PARD3B: variants seen among roughly 807,000 people sequenced by gnomAD.
PARD3B encodes partitioning defective 3 homolog B.
Under a neutral mutation model 130.2 loss-of-function variants are expected in PARD3B, and 103 were observed. That is an observed-to-expected ratio of 0.79 (90% CI 0.67 to 0.93). The LOEUF is 0.93. Among genes scored for constraint, PARD3B ranks in the 40% least tolerant of loss-of-function variants. The pLI, the probability that PARD3B is intolerant of heterozygous loss-of-function variation, is 0.00. For synonymous variants in PARD3B, 583 were observed against 553.2 expected (o/e 1.05, Z -0.76); for missense variants, 1,609 against 1,499.2 (o/e 1.07, Z -1.21).
Position 205,300,341 on chromosome 2 carries a change from C to T in PARD3B, c.2186-189C>T, listed in dbSNP as rs1347605192. Among the ~76,000 whole-genome samples the T allele has an allele frequency of 1.3e-5, 2 of 152,108 alleles. No homozygotes were observed. Among genetic ancestry groups the T allele is most frequent in the African/African-American group, 4.8e-5 (2 of 41,422 alleles). On this transcript the variant is annotated intron_variant, in intron 16 of 22. Transcript: ENST00000406610. This position sits in a 1 kb window ranked among gnomAD's most constrained non-coding sequence, Gnocchi z 4.1. The stretch of plus-strand genomic sequence containing the variant: ...TTTATCACAGCTTTAGAAAAGGAAA[C>T]AGAGGCTCAGAGAAGTCAAACCACT...
intron 2 of PARD3B, among the ~76,000 whole-genome samples, chr2:204,723,917 A>T (rs541382557): frequency 4.6e-5 from 7 of 152,060 alleles, no homozygotes; most frequent in African/African-American, 1.7e-4. Flanking sequence ...AGAAATAGTG[A>T]TTTTTTTTCC....
At chr2:204,576,046 TG>T (rs1371383638) in intron 1 of PARD3B, among the ~76,000 whole-genome samples, 1 of 152,200 alleles carries the variant, frequency 6.6e-6, no homozygotes, top group Non-Finnish European at 1.5e-5. Context: ...CTCTTCCTTC[TG>T]GGGACCCACT....
chr2:205,486,593 G>T (rs780807897), intron 20 of PARD3B, among the ~76,000 whole-genome samples: 1 of 152,182 alleles, frequency 6.6e-6, no homozygotes, highest in Non-Finnish European at 1.5e-5. Context: ...ACTTAGAGGG[G>T]AAGGCAAAGG....
intron 2 of PARD3B, among the ~76,000 whole-genome samples, chr2:204,839,135 G>T (rs1471866880): frequency 6.6e-6 from 1 of 152,158 alleles, no homozygotes; most frequent in Non-Finnish European, 1.5e-5. Context: ...ATGTTACAAG[G>T]TCAGCCCTGT....
At chr2:205,418,664 T>TA (rs1438118213) in intron 19 of PARD3B, among the ~76,000 whole-genome samples, 1 of 152,188 alleles carries the variant, frequency 6.6e-6, no homozygotes, top group Non-Finnish European at 1.5e-5. Flanking sequence ...GAAGAGACTT[T>TA]AAAAAATTTA....
At chr2:205,047,776 T>C (rs1698906005) in intron 4 of PARD3B, 86 bp downstream of exon 4, 6 of 863,598 alleles carry the variant, frequency 6.9e-6, no homozygotes, top group East Asian at 2.7e-5. Flanking sequence ...TTTAAACACA[T>C]TGATAACTAG....
At chr2:205,362,580 C>T (rs1367648663) in intron 18 of PARD3B, among the ~76,000 whole-genome samples, 2 of 152,168 alleles carry the variant, frequency 1.3e-5, no homozygotes, top group Non-Finnish European at 2.9e-5. Flanking sequence ...TGTGTAATCT[C>T]CTAGGTAGTC....
chr2:205,450,466 CTTT>C (rs869229400), intron 20 of PARD3B, among the ~76,000 whole-genome samples: 2 of 78,378 alleles, frequency 2.6e-5, no homozygotes, highest in African/African-American at 5.5e-5. Flanking sequence ...AGTGCAGATT[CTTT>C]TTTTTTTTTT....
chr2:205,480,919 C>T (rs563829112), intron 20 of PARD3B, among the ~76,000 whole-genome samples: 5 of 152,118 alleles, frequency 3.3e-5, no homozygotes, highest in Non-Finnish European at 5.9e-5. Context: ...GCCTTGAGAA[C>T]GTGGAGGCAG....
intron 2 of PARD3B, among the ~76,000 whole-genome samples, chr2:204,872,067 A>G (rs2045649321): frequency 1.3e-5 from 2 of 152,120 alleles, no homozygotes; most frequent in African/African-American, 2.4e-5. Flanking sequence ...ATATATACCT[A>G]TTCTTAACAC....
At chr2:204,945,505 T>C (rs1309893220) in intron 2 of PARD3B, among the ~76,000 whole-genome samples, 2 of 152,178 alleles carry the variant, frequency 1.3e-5, no homozygotes, top group African/African-American at 4.8e-5. Context: ...AACACAGTCT[T>C]GTGAAAAGGG....
chr2:205,197,059 G>A (rs1342414255), intron 15 of PARD3B, among the ~76,000 whole-genome samples: 1 of 151,326 alleles, frequency 6.6e-6, no homozygotes, highest in Admixed American at 6.6e-5. Context: ...GTGTGTGTGT[G>A]TGTGTGTGTG....
At chr2:204,831,674 A>T (rs2043827293) in intron 2 of PARD3B, among the ~76,000 whole-genome samples, 1 of 150,548 alleles carries the variant, frequency 6.6e-6, no homozygotes, top group South Asian at 2.1e-4. Flanking sequence ...TAAAGAATGA[A>T]TTGCCTTTTA....
intron 15 of PARD3B, among the ~76,000 whole-genome samples, chr2:205,240,783 C>G (rs2039318360): frequency 6.6e-6 from 1 of 152,116 alleles, no homozygotes; most frequent in Non-Finnish European, 1.5e-5. Context: ...GTATCAAATG[C>G]TATCAATAAG....
intron 20 of PARD3B, among the ~76,000 whole-genome samples, chr2:205,442,591 G>A (rs1383128284): frequency 1.3e-5 from 2 of 152,064 alleles, no homozygotes; most frequent in Admixed American, 6.5e-5. Context: ...ATAAGCCGCC[G>A]GGCCTGGGAA....
chr2:204,617,261 T>C (rs2034144495), intron 1 of PARD3B, among the ~76,000 whole-genome samples: 1 of 152,222 alleles, frequency 6.6e-6, no homozygotes, highest in Admixed American at 6.5e-5. Flanking sequence ...GATGATACTT[T>C]AATCTCATCT....
At chr2:204,815,447 A>G (rs547386865) in intron 2 of PARD3B, among the ~76,000 whole-genome samples, 1 of 152,012 alleles carries the variant, frequency 6.6e-6, no homozygotes, top group Admixed American at 6.6e-5. Context: ...CAATCTGCCT[A>G]GAGGTTTATT....
At chr2:205,480,828 G>A (rs1167727130) in intron 20 of PARD3B, among the ~76,000 whole-genome samples, 1 of 152,176 alleles carries the variant, frequency 6.6e-6, no homozygotes, top group Admixed American at 6.5e-5. Flanking sequence ...AAGGAAACAA[G>A]CAGGCTAACC....
intron 3 of PARD3B, among the ~76,000 whole-genome samples, chr2:205,023,998 C>T (rs2125340350): frequency 6.6e-6 from 1 of 151,944 alleles, no homozygotes; most frequent in Middle Eastern, 3.4e-3. Flanking sequence ...CTTGGTCTCC[C>T]TTTTCTTCAC....
Sources: allele counts gnomAD v4.1 joint callset (sites outside exome capture counted in the v4.1 genomes callset), GRCh38; gene constraint gnomAD v4.1.1; non-coding constraint Gnocchi (gnomAD v3.1); transcripts MANE v1.5; gene names NCBI Gene and HGNC (gene_info 2026-07-23, HGNC 2026-07-21).